The following RALYL variants were observed in gnomAD, a reference collection of about 807,000 sequenced individuals.
The protein encoded by RALYL is RNA-binding Raly-like protein.
RALYL carries 29 observed loss-of-function variants against 35.1 expected under a neutral mutation model. That is an observed-to-expected ratio of 0.83 (90% CI 0.61 to 1.13). The LOEUF is 1.13. Ranked by LOEUF, RALYL falls within the 50% of genes most tolerant of loss-of-function variation. The pLI, the probability that RALYL is intolerant of heterozygous loss-of-function variation, is 0.00. For synonymous variants in RALYL, 120 were observed against 127.6 expected (o/e 0.94, Z 0.40); for missense variants, 359 against 360.4 (o/e 1.00, Z 0.03).
chr8:84,472,649 T>C (rs2052921089), intron 1 of RALYL, among the ~76,000 whole-genome samples: 1 of 152,018 alleles, frequency 6.6e-6, no homozygotes, highest in African/African-American at 2.4e-5. Context: ...ACTTTATTCA[T>C]TGGACAGAAA....
intron 2 of RALYL, among the ~76,000 whole-genome samples, chr8:84,573,883 C>T (rs1241563678): frequency 2.6e-5 from 4 of 151,850 alleles, no homozygotes; most frequent in Admixed American, 1.3e-4. Context: ...CTTTTCATTT[C>T]TCTCTTCGTT....
chr8:84,675,547 G>A (rs1834028988), intron 2 of RALYL, among the ~76,000 whole-genome samples: 1 of 152,058 alleles, frequency 6.6e-6, no homozygotes. Flanking sequence ...TGAAATTTTA[G>A]GAGTTGATTT....
chr8:84,699,620 C>A (rs188085160), intron 2 of RALYL, among the ~76,000 whole-genome samples: 6 of 152,196 alleles, frequency 3.9e-5, no homozygotes, highest in African/African-American at 1.4e-4. Context: ...GACCTAATTA[C>A]CTCCCAAAGG....
intron 2 of RALYL, among the ~76,000 whole-genome samples, chr8:84,549,128 C>T (rs1453622534): frequency 3.3e-5 from 5 of 152,098 alleles, no homozygotes; most frequent in African/African-American, 1.2e-4. Flanking sequence ...TACAGCTATG[C>T]TATGTAGACC....
At chr8:84,194,707 T>C (rs1227484834) in intron 1 of RALYL, among the ~76,000 whole-genome samples, 1 of 152,166 alleles carries the variant, frequency 6.6e-6, no homozygotes, top group Non-Finnish European at 1.5e-5. Context: ...TGAGATCTCA[T>C]TCTATTTATG....
At chr8:84,796,368 G>A (rs530556549) in intron 3 of RALYL, among the ~76,000 whole-genome samples, 1 of 152,238 alleles carries the variant, frequency 6.6e-6, no homozygotes, top group South Asian at 2.1e-4. Context: ...AAGTACCACC[G>A]ACAGATTCTG....
chr8:84,452,831 G>A (rs764274383), intron 1 of RALYL, among the ~76,000 whole-genome samples: 15 of 151,954 alleles, frequency 9.9e-5, no homozygotes, highest in African/African-American at 3.1e-4. Flanking sequence ...GAAAGTCAAA[G>A]CCTTTATTTT....
chr8:84,863,039 C>T (rs898548566), intron 6 of RALYL, among the ~76,000 whole-genome samples: 3 of 152,072 alleles, frequency 2.0e-5, no homozygotes, highest in Non-Finnish European at 4.4e-5. Context: ...AAACACATTG[C>T]TAAATTTTTA....
At chr8:84,291,959 G>A (rs1166455077) in intron 1 of RALYL, among the ~76,000 whole-genome samples, 1 of 149,702 alleles carries the variant, frequency 6.7e-6, no homozygotes, top group Non-Finnish European at 1.5e-5. Flanking sequence ...TATAATACAT[G>A]CATTAGGAAT....
At chr8:84,802,681 A>G (rs747844722) in intron 3 of RALYL, among the ~76,000 whole-genome samples, 35 of 152,218 alleles carry the variant, frequency 2.3e-4, no homozygotes, top group Non-Finnish European at 4.3e-4. Context: ...TGATAATTGC[A>G]GAGGGAAAAT....
chr8:84,877,973 A>C (rs1048410842), intron 7 of RALYL, among the ~76,000 whole-genome samples: 1 of 152,180 alleles, frequency 6.6e-6, no homozygotes, highest in Admixed American at 6.5e-5. Flanking sequence ...CATTAAAAAC[A>C]AGGAAAGGGT....
In RALYL at chr8:84,529,299, G is replaced by T. The variant is rs267602018; in HGVS notation, c.-23G>T. The T allele has an allele frequency of 4.5e-6, 7 of 1,555,494 alleles. No homozygotes were observed. The African/African-American group carries it at 8.2e-5, about 18-fold the overall frequency. On this transcript the variant is annotated splice_region_variant and 5_prime_UTR_variant, in exon 2 of 9. Transcript: ENST00000521268. ...TTGTTTGTTTGTTTGTTTGTTTAAG[G>T]ATTAAAGCAAGGAGAGCCAATCATG...
intron 1 of RALYL, among the ~76,000 whole-genome samples, chr8:84,259,755 A>T (rs546966132): frequency 6.6e-6 from 1 of 152,314 alleles, no homozygotes; most frequent in Non-Finnish European, 1.5e-5. Context: ...CTCAACAGCC[A>T]GAAAAACAAC....
chr8:84,568,275 C>G lies in RALYL; in HGVS notation c.256+38698C>G, dbSNP rs2061935548. Among the ~76,000 whole-genome samples the G allele has an allele frequency of 2.0e-5, 3 of 146,792 alleles. No individual in the cohort carries two copies. In the Admixed American group the frequency reaches 2.1e-4, roughly 10 times the overall value. On this transcript the variant is annotated intron_variant, in intron 2 of 8. Coordinates refer to ENST00000521268, the MANE Select transcript of RALYL (RefSeq NM_173848.7). ...CCATGTGTTCTCATTGTTCAATTCC[C>G]ACCTATGAGTGAGAACATGCGGTGT...
intron 1 of RALYL, among the ~76,000 whole-genome samples, chr8:84,429,416 G>A (rs1260328672): frequency 6.6e-6 from 1 of 152,126 alleles, no homozygotes; most frequent in Non-Finnish European, 1.5e-5. Context: ...TTTGTTGAAT[G>A]AAGTCCCAAT....
intron 1 of RALYL, among the ~76,000 whole-genome samples, chr8:84,396,821 TTGTTTC>T (rs3043805): frequency 7.8e-4 from 119 of 152,270 alleles, no homozygotes; most frequent in Middle Eastern, 3.4e-3. Context: ...GGATTGTCTT[TTGTTTC>T]TGTTTTATAA....
chr8:84,675,329 GGTATA>G (rs1215731709), intron 2 of RALYL, among the ~76,000 whole-genome samples: 1 of 151,988 alleles, frequency 6.6e-6, no homozygotes, highest in East Asian at 1.9e-4. Context: ...TATGTATTAA[GGTATA>G]ACCAGTCCAC....
At chr8:84,656,554 T>C (rs1829996671) in intron 2 of RALYL, among the ~76,000 whole-genome samples, 1 of 152,122 alleles carries the variant, frequency 6.6e-6, no homozygotes, top group African/African-American at 2.4e-5. Flanking sequence ...AGAATCCAGG[T>C]TCATGATGTT....
intron 7 of RALYL, among the ~76,000 whole-genome samples, chr8:84,874,355 C>G (rs1248447689): frequency 1.3e-5 from 2 of 152,148 alleles, no homozygotes; most frequent in Non-Finnish European, 2.9e-5. Context: ...AACAAAGGCT[C>G]AGGAAAGTAA....
Sources: allele counts gnomAD v4.1 joint callset (sites outside exome capture counted in the v4.1 genomes callset), GRCh38; gene constraint gnomAD v4.1.1; transcripts MANE v1.5; gene names NCBI Gene and HGNC (gene_info 2026-07-23, HGNC 2026-07-21).